The following CNTD1 variants were observed in gnomAD, a reference collection of about 807,000 sequenced individuals.
The protein encoded by CNTD1 is cyclin N-terminal domain containing 1, also known as cyclin N-terminal domain-containing protein 1.
Under a neutral mutation model 36.3 loss-of-function variants are expected in CNTD1, and 17 were observed. The ratio of observed to expected loss-of-function variants is 0.47; its 90% CI spans 0.32 to 0.70. CNTD1 has a LOEUF of 0.70. Ranked by LOEUF, CNTD1 falls within the 30% of genes least tolerant of loss-of-function variation. The pLI, the probability that CNTD1 is intolerant of heterozygous loss-of-function variation, is 0.03. For synonymous variants in CNTD1, 128 were observed against 153.3 expected, an observed-to-expected ratio of 0.83 and a Z score of 1.22; for missense variants, 338 against 386.1, an observed-to-expected ratio of 0.88 and a Z score of 1.04.
In CNTD1 at chr17:42,800,800, G is replaced by A. The variant is rs1418192564; in HGVS notation, c.169+1564G>A. The stretch of plus-strand genomic sequence containing the variant: ...TTCTAGAGGCAAAGTCTAGGGTTCT[G>A]CTGTGGATAAATTTAGGAAGTGAAG... On this transcript the variant is annotated intron_variant, in intron 1 of 6. Transcript: ENST00000588408. 5.3e-5 allele frequency among the ~76,000 whole-genome samples: 8 copies of A among 152,276 alleles called. No individual in the cohort carries two copies. The East Asian group carries it at 1.2e-3, about 22-fold the overall frequency.
At chr17:42,800,334 G>A (rs2054759092) in intron 1 of CNTD1, among the ~76,000 whole-genome samples, 1 of 152,146 alleles carries the variant, frequency 6.6e-6, no homozygotes, top group Non-Finnish European at 1.5e-5. Flanking sequence ...TTGGGTTGGT[G>A]AAGGGGGAGG....
In CNTD1 at chr17:42,809,442, C is replaced by T. The variant is rs776430263; in HGVS notation, c.900C>T (p.His300=). Residue 300 remains histidine, a synonymous_variant, in exon 7 of 7, where the codon CAC becomes CAT. Transcript: ENST00000588408. ...IAEFSYAILT[H]GVGANTPGRQ... Reference sequence around the variant, plus strand: ...AGTTCTCTTATGCAATCCTGACTCACGGAGTGGGAGCCAACACTCCGGGGA... The same window carrying T: ...AGTTCTCTTATGCAATCCTGACTCATGGAGTGGGAGCCAACACTCCGGGGA... 19 of 1,614,038 alleles carry T rather than the reference C, an allele frequency of 1.2e-5. No homozygotes were observed. The highest frequency in any genetic ancestry group is 6.7e-5 in the East Asian group (3 of 44,888).
At chr17:42,806,307 T>C (rs2054878479) in intron 4 of CNTD1, among the ~76,000 whole-genome samples, 1 of 151,866 alleles carries the variant, frequency 6.6e-6, no homozygotes, top group African/African-American at 2.4e-5. Flanking sequence ...AGCTTGATGG[T>C]GTCTCTGGAT....
chr17:42,809,709 C>T lies in CNTD1; in HGVS notation c.*174C>T. ...GAGAGAGTTAAGGTGGACGAGCATGCCCTTTTTGTCATATCAGCCTGAAAA... is the reference window on the plus strand; with the variant it reads ...GAGAGAGTTAAGGTGGACGAGCATGTCCTTTTTGTCATATCAGCCTGAAAA... On this transcript the variant is annotated 3_prime_UTR_variant, in exon 7 of 7. Coordinates refer to ENST00000588408, the MANE Select transcript of CNTD1 (RefSeq NM_173478.3). 3.5e-6 allele frequency: 2 copies of T among 570,808 alleles called. No homozygotes were observed. The highest frequency in any genetic ancestry group is 6.0e-6 in the Non-Finnish European group (2 of 334,426). 35.4% of individuals were successfully genotyped at this position (570,808 alleles called of 1,614,324 possible).
At position 42,811,013 on chromosome 17, in the gene CNTD1, C is replaced by T; in HGVS notation, c.*1478C>T. ...GCAGGGACTTGATCATGGGACCATT[C>T]ACGTCATTTTATCTATTAAAGAACA... On this transcript the variant is annotated 3_prime_UTR_variant, in exon 7 of 7. Transcript: ENST00000588408. 3 of 1,345,170 alleles carry T rather than the reference C, an allele frequency of 2.2e-6. No individual in the cohort carries two copies. Among genetic ancestry groups the T allele is most frequent in the Non-Finnish European group, 3.0e-6 (3 of 1,002,052 alleles). 83.3% of individuals were successfully genotyped at this position (1,345,170 alleles called of 1,614,324 possible).
chr17:42,809,720 A>T lies in CNTD1; in HGVS notation c.*185A>T. On this transcript the variant is annotated 3_prime_UTR_variant, in exon 7 of 7. Coordinates refer to ENST00000588408, the MANE Select transcript of CNTD1 (RefSeq NM_173478.3). ...GGTGGACGAGCATGCCCTTTTTGTC[A>T]TATCAGCCTGAAAATGTTAAAAAGC... 1.8e-6 allele frequency: 1 copy of T among 552,548 alleles called. No homozygotes were observed. The highest frequency in any genetic ancestry group is 3.1e-6 in the Non-Finnish European group (1 of 319,252). The allele number at this position is 552,548 out of a possible 1,614,324, so 34.2% of individuals were successfully genotyped here.
chr17:42,799,766 A>AC (rs1200001304), intron 1 of CNTD1, among the ~76,000 whole-genome samples: 1 of 146,240 alleles, frequency 6.8e-6, no homozygotes, highest in Non-Finnish European at 1.5e-5. Flanking sequence ...AAAAAAAAAA[A>AC]AAAAAAAAAA....
In CNTD1 at chr17:42,801,508, AAAATATATATAT is replaced by A. The variant is rs1443562936; in HGVS notation, c.170-2110_170-2099del. Among the ~76,000 whole-genome samples the A allele has an allele frequency of 5.9e-3, 300 of 50,966 alleles. 17 individuals carry two copies. Among genetic ancestry groups the A allele is most frequent in the African/African-American group, 0.044 (288 of 6,524 alleles). 33.4% of individuals were successfully genotyped at this position (50,966 alleles called of 152,430 possible). The stretch of plus-strand genomic sequence containing the variant: ...GAGACCTTGTCTCAAAAAAAAAAAA[AAAATATATATAT>A]ATATATATATATATATATATATATA... On this transcript the variant is annotated intron_variant, in intron 1 of 6. Coordinates refer to ENST00000588408, the MANE Select transcript of CNTD1 (RefSeq NM_173478.3).
intron 3 of CNTD1, among the ~76,000 whole-genome samples, chr17:42,804,643 A>G (rs754261695): frequency 3.9e-5 from 6 of 152,138 alleles, no homozygotes; most frequent in Non-Finnish European, 8.8e-5. Flanking sequence ...CCCTGTCTCT[A>G]CTAAAAATAC....
chr17:42,799,791 C>T (rs1332788102), intron 1 of CNTD1, among the ~76,000 whole-genome samples: 1 of 111,386 alleles, frequency 9.0e-6, no homozygotes, highest in Non-Finnish European at 1.7e-5. Context: ...AAAGGCTGGG[C>T]GCGGTGGCTC....
intron 1 of CNTD1, among the ~76,000 whole-genome samples, chr17:42,800,275 TG>T (rs1202084266): frequency 2.0e-5 from 3 of 151,936 alleles, no homozygotes; most frequent in African/African-American, 7.3e-5. Flanking sequence ...ATTCAGGGGA[TG>T]GCCCAGGCAT....
chr17:42,807,404 G>C (rs1038096930), intron 5 of CNTD1, among the ~76,000 whole-genome samples: 1 of 151,774 alleles, frequency 6.6e-6, no homozygotes, highest in Non-Finnish European at 1.5e-5. Flanking sequence ...AACAGAGAGA[G>C]ACTCCGTCTC....
chr17:42,809,609 T>A lies in CNTD1; in HGVS notation c.*74T>A. 7.4e-7 allele frequency: 1 copy of A among 1,354,368 alleles called. No individual in the cohort carries two copies. Among genetic ancestry groups the A allele is most frequent in the Non-Finnish European group, 1.0e-6 (1 of 973,668 alleles). 83.9% of individuals were successfully genotyped at this position (1,354,368 alleles called of 1,614,324 possible). ...TGCCTCCCTCTGTTTACTTTCATAC[T>A]AAGGGTACAAAAATTCCAAGTCTCT... On this transcript the variant is annotated 3_prime_UTR_variant, in exon 7 of 7. Coordinates refer to ENST00000588408, the MANE Select transcript of CNTD1 (RefSeq NM_173478.3).
At chr17:42,801,183 T>TC in intron 1 of CNTD1, among the ~76,000 whole-genome samples, 1 of 110,430 alleles carries the variant, frequency 9.1e-6, no homozygotes, top group African/African-American at 3.9e-5. Context: ...AGACTCTGTC[T>TC]CCCAAAAAAA....
At chr17:42,800,502 G>A (rs889049390) in intron 1 of CNTD1, among the ~76,000 whole-genome samples, 1 of 152,206 alleles carries the variant, frequency 6.6e-6, no homozygotes, top group African/African-American at 2.4e-5. Flanking sequence ...GACATTCCAT[G>A]TGGAAGTTTG....
At position 42,810,605 on chromosome 17, in the gene CNTD1, A is replaced by G. The variant is rs2054975700; in HGVS notation, c.*1070A>G. 8 of 760,704 alleles carry G rather than the reference A, an allele frequency of 1.1e-5. No individual in the cohort carries two copies. The allele number at this position is 760,704 out of a possible 1,614,324, so 47.1% of individuals were successfully genotyped here. ...TGTAGCTCTGGAAAGTATCTGTCAC[A>G]TGATATTTTAAAATAAAGTGGCTTT... On this transcript the variant is annotated 3_prime_UTR_variant, in exon 7 of 7. Transcript: ENST00000588408.
At position 42,807,285 on chromosome 17, in the gene CNTD1, G is replaced by A. The variant is rs571273631; in HGVS notation, c.725+467G>A. Among the ~76,000 whole-genome samples the A allele has an allele frequency of 2.0e-5, 3 of 152,160 alleles. No individual in the cohort carries two copies. The East Asian group carries it at 5.8e-4, about 29-fold the overall frequency. On this transcript the variant is annotated intron_variant, in intron 5 of 6. Coordinates refer to ENST00000588408, the MANE Select transcript of CNTD1 (RefSeq NM_173478.3). ...AAAAAATTAGCCGGGCGTGGTGGCG[G>A]GCACCTGTAGTCCCAGCTACTTGGG...
chr17:42,803,831 T>G, intron 2 of CNTD1, 136 bp downstream of exon 2: 1 of 725,564 alleles, frequency 1.4e-6, no homozygotes, highest in South Asian at 1.8e-5. Flanking sequence ...CAAATATAAA[T>G]TTCTTTGTTG....
At chr17:42,799,785 G>T (rs187661084) in intron 1 of CNTD1, among the ~76,000 whole-genome samples, 2,449 of 109,858 alleles carry the variant, frequency 0.022, 94 homozygotes, top group African/African-American at 0.096. Flanking sequence ...AAAAAAAAAG[G>T]CTGGGCGCGG....
Sources: allele counts gnomAD v4.1 joint callset (sites outside exome capture counted in the v4.1 genomes callset), GRCh38; gene constraint gnomAD v4.1.1; transcripts MANE v1.5; gene names NCBI Gene and HGNC (gene_info 2026-07-23, HGNC 2026-07-21).